TMEM132C: variants seen among roughly 807,000 people sequenced by gnomAD.
TMEM132C encodes the protein transmembrane protein 132C, also known as protein phosphatase 1, regulatory subunit 152.
Under a neutral mutation model 61.4 loss-of-function variants are expected in TMEM132C, and 29 were observed. That is an observed-to-expected ratio of 0.47 (90% CI 0.35 to 0.64). TMEM132C has a LOEUF of 0.64. TMEM132C is among the 30% of genes least tolerant of loss of function. The pLI is 0.00. For missense variants in TMEM132C, 1,408 were observed against 1,476.9 expected (o/e 0.95, Z 0.76); for synonymous variants, 656 against 633.1 (o/e 1.04, Z -0.54).
chr12:128,395,243 A>C lies in TMEM132C; in HGVS notation c.86-19489A>C, dbSNP rs919764344. ...AATATATTAAAATTAATTTAATAGAATATTAAACTATACTATTATATATAA... is the reference window on the plus strand; with the variant it reads ...AATATATTAAAATTAATTTAATAGACTATTAAACTATACTATTATATATAA... On this transcript the variant is annotated intron_variant, in intron 1 of 8. Transcript: ENST00000435159. Among the ~76,000 whole-genome samples the C allele has an allele frequency of 3.3e-5, 5 of 150,744 alleles. No homozygotes were observed. In the East Asian group the frequency reaches 7.8e-4, roughly 23 times the overall value.
At chr12:128,691,227 A>C (rs905048647) in intron 5 of TMEM132C, among the ~76,000 whole-genome samples, 1 of 152,236 alleles carries the variant, frequency 6.6e-6, no homozygotes, top group Non-Finnish European at 1.5e-5. Context: ...CAAAAGAGTG[A>C]ATGACCCAAG....
intron 1 of TMEM132C, among the ~76,000 whole-genome samples, chr12:128,374,843 C>T (rs1247309407): frequency 6.7e-6 from 1 of 149,956 alleles, no homozygotes; most frequent in Non-Finnish European, 1.5e-5. Flanking sequence ...TCGGTTTGAA[C>T]CTGGAGGGTG....
At chr12:128,386,879 A>T (rs1874600171) in intron 1 of TMEM132C, among the ~76,000 whole-genome samples, 1 of 152,350 alleles carries the variant, frequency 6.6e-6, no homozygotes, top group East Asian at 1.9e-4. Flanking sequence ...CTGTGATCCC[A>T]GTACCTTGGG....
chr12:128,492,440 T>G (rs528001109), intron 2 of TMEM132C, among the ~76,000 whole-genome samples: 68 of 152,348 alleles, frequency 4.5e-4, no homozygotes, highest in Non-Finnish European at 8.5e-4. Context: ...TCTTCCACGA[T>G]GGTTGACCTA....
chr12:128,505,830 C>G (rs1162165516), intron 2 of TMEM132C, among the ~76,000 whole-genome samples: 1 of 152,118 alleles, frequency 6.6e-6, no homozygotes, highest in Admixed American at 6.5e-5. Flanking sequence ...GGCTTGGCCT[C>G]CCTCCTGGAA....
chr12:128,267,206 A>AGCCGGAGCC lies in TMEM132C; in HGVS notation c.-193_-185dup, dbSNP rs1301521924. On this transcript the variant is annotated 5_prime_UTR_variant, in exon 1 of 9. Coordinates refer to ENST00000435159, the MANE Select transcript of TMEM132C (RefSeq NM_001136103.3). ...CCGGCCGGAGCGCGAGCAGCGGCGG[A>AGCCGGAGCC]GCCGGAGCCGCCAGAGCCAGAGCCG... is the stretch of plus-strand genomic sequence containing the variant. Among the ~76,000 whole-genome samples the AGCCGGAGCC allele has an allele frequency of 6.9e-6, 1 of 145,020 alleles. No homozygotes were observed. The highest frequency in any genetic ancestry group is 1.5e-5 in the Non-Finnish European group (1 of 65,754).
chr12:128,534,299 A>G (rs1873441500), intron 2 of TMEM132C, among the ~76,000 whole-genome samples: 1 of 152,184 alleles, frequency 6.6e-6, no homozygotes, highest in Non-Finnish European at 1.5e-5. Flanking sequence ...CGTTCAGGTA[A>G]CCCAGATGGG....
chr12:128,466,718 A>G (rs1422082595), intron 2 of TMEM132C, among the ~76,000 whole-genome samples: 1 of 152,116 alleles, frequency 6.6e-6, no homozygotes, highest in Non-Finnish European at 1.5e-5. Context: ...GGGTTTCACC[A>G]TGTTGCCCAG....
intron 6 of TMEM132C, among the ~76,000 whole-genome samples, 186 bp from the exon 7 acceptor site, chr12:128,695,644 A>AT (rs1393605461): frequency 4.6e-5 from 7 of 152,234 alleles, no homozygotes; most frequent in African/African-American, 1.4e-4. Flanking sequence ...TTTTCAATAA[A>AT]TGTATTTGAG....
chr12:128,699,292 G>T (rs1322797797), intron 8 of TMEM132C, among the ~76,000 whole-genome samples: 1 of 152,320 alleles, frequency 6.6e-6, no homozygotes, highest in Middle Eastern at 3.4e-3. Flanking sequence ...TCACAGTGCG[G>T]TGGGTGGGCT....
intron 3 of TMEM132C, among the ~76,000 whole-genome samples, chr12:128,600,149 A>C (rs902032434): frequency 6.6e-6 from 1 of 151,832 alleles, no homozygotes; most frequent in African/African-American, 2.4e-5. Context: ...CGCCCGGCTA[A>C]TTTTTTGTAT....
intron 8 of TMEM132C, among the ~76,000 whole-genome samples, chr12:128,698,888 G>T: frequency 6.6e-6 from 1 of 152,320 alleles, no homozygotes; most frequent in East Asian, 1.9e-4. Context: ...AGTAGCAGGC[G>T]TTAGGATCCC....
At chr12:128,301,598 G>T (rs1221560199) in intron 1 of TMEM132C, among the ~76,000 whole-genome samples, 1 of 152,132 alleles carries the variant, frequency 6.6e-6, no homozygotes, top group Non-Finnish European at 1.5e-5. Flanking sequence ...AGGTAGAAAT[G>T]ATGGGATGGT....
At chr12:128,693,714 G>C in intron 5 of TMEM132C, 115 bp from the exon 6 acceptor site, 1 of 1,224,558 alleles carries the variant, frequency 8.2e-7, no homozygotes, top group East Asian at 2.6e-5. Context: ...CTCTGCTTTA[G>C]GAGAAACCAG....
At chr12:128,341,676 C>G (rs1229053326) in intron 1 of TMEM132C, among the ~76,000 whole-genome samples, 4 of 152,146 alleles carry the variant, frequency 2.6e-5, no homozygotes, top group African/African-American at 9.7e-5. Flanking sequence ...CCTACTTCTT[C>G]TTGCTGCTGA....
At chr12:128,667,076 T>G (rs138025324) in intron 4 of TMEM132C, among the ~76,000 whole-genome samples, 32 of 152,284 alleles carry the variant, frequency 2.1e-4, no homozygotes, top group African/African-American at 7.0e-4. Flanking sequence ...TCTCAAAATA[T>G]ATATAGATAC....
At chr12:128,594,803 G>A (rs1875888220) in intron 3 of TMEM132C, among the ~76,000 whole-genome samples, 1 of 152,196 alleles carries the variant, frequency 6.6e-6, no homozygotes, top group Non-Finnish European at 1.5e-5. Flanking sequence ...TGATTTCTCA[G>A]AGGATGCCAT....
At chr12:128,522,906 G>A (rs2136128959) in intron 2 of TMEM132C, among the ~76,000 whole-genome samples, 1 of 152,232 alleles carries the variant, frequency 6.6e-6, no homozygotes, top group Non-Finnish European at 1.5e-5. Flanking sequence ...TCACTTCTGG[G>A]TATATACACA....
At chr12:128,286,458 C>T (rs1871077789) in intron 1 of TMEM132C, among the ~76,000 whole-genome samples, 1 of 152,218 alleles carries the variant, frequency 6.6e-6, no homozygotes, top group South Asian at 2.1e-4. Context: ...GTGAGAGTAG[C>T]TCTGGCCCCC....
Sources: allele counts gnomAD v4.1 joint callset (sites outside exome capture counted in the v4.1 genomes callset), GRCh38; gene constraint gnomAD v4.1.1; transcripts MANE v1.5; gene names NCBI Gene and HGNC (gene_info 2026-07-23, HGNC 2026-07-21).